MSRA: variants seen among roughly 807,000 people sequenced by gnomAD.
The protein encoded by MSRA is mitochondrial peptide methionine sulfoxide reductase.
A neutral mutation model predicts 31.3 loss-of-function variants in MSRA; 54 were observed. The ratio of observed to expected loss-of-function variants is 1.73; its 90% CI spans 1.39 to 2.17. The LOEUF is 2.17. Ranked by LOEUF, MSRA falls within the 30% of genes most tolerant of loss-of-function variation. The pLI is 0.00. For synonymous variants in MSRA, 169 were observed against 116.5 expected (o/e 1.45, Z -2.90); for missense variants, 507 against 300.9 (o/e 1.69, Z -5.07).
At chr8:10,174,906 C>T (rs994431180) in intron 1 of MSRA, among the ~76,000 whole-genome samples, 3 of 152,202 alleles carry the variant, frequency 2.0e-5, no homozygotes, top group African/African-American at 7.2e-5. Context: ...CTCATCTCCC[C>T]AGACAGGCTG....
At chr8:10,116,646 G>A (rs368499675) in intron 1 of MSRA, among the ~76,000 whole-genome samples, 2 of 152,098 alleles carry the variant, frequency 1.3e-5, no homozygotes, top group East Asian at 3.9e-4. Flanking sequence ...AGCAGGGTCT[G>A]CCAACACACT....
intron 1 of MSRA, among the ~76,000 whole-genome samples, chr8:10,131,840 A>G (rs1357411946): frequency 2.0e-5 from 3 of 152,230 alleles, no homozygotes; most frequent in Non-Finnish European, 2.9e-5. Flanking sequence ...CTTTTCTCAG[A>G]AGTATAATCC....
chr8:10,415,133 A>G (rs1392615384), intron 5 of MSRA, among the ~76,000 whole-genome samples: 9 of 152,312 alleles, frequency 5.9e-5, no homozygotes, highest in African/African-American at 2.2e-4. Flanking sequence ...CATTTCAACT[A>G]TAGGACCCTG....
chr8:10,306,473 A>G (rs771383922), intron 4 of MSRA, among the ~76,000 whole-genome samples: 13 of 151,692 alleles, frequency 8.6e-5, no homozygotes, highest in Non-Finnish European at 1.3e-4. Flanking sequence ...CCCTCCATCT[A>G]CTAAAGTGTG....
intron 1 of MSRA, among the ~76,000 whole-genome samples, chr8:10,200,123 C>T (rs767149441): frequency 6.6e-6 from 1 of 152,114 alleles, no homozygotes; most frequent in Non-Finnish European, 1.5e-5. Context: ...AGCTGGGCAT[C>T]GGCTCCATTA....
intron 1 of MSRA, among the ~76,000 whole-genome samples, chr8:10,098,339 T>G (rs1313183231): frequency 6.6e-6 from 1 of 152,176 alleles, no homozygotes; most frequent in Admixed American, 6.5e-5. Context: ...TGATACGTAT[T>G]ATTAAATTCC....
chr8:10,120,755 C>T (rs1175600260), intron 1 of MSRA, among the ~76,000 whole-genome samples: 5 of 152,188 alleles, frequency 3.3e-5, no homozygotes, highest in African/African-American at 1.2e-4. Flanking sequence ...CCCTTGCAGA[C>T]TCACTGTGTT....
At position 10,358,101 on chromosome 8, in the gene MSRA, T is replaced by A. The variant is rs866603800; in HGVS notation, c.543+38112T>A. On this transcript the variant is annotated intron_variant, in intron 5 of 5. Transcript: ENST00000317173. ...CCATGCCCAGCTAATTTTTGTATTA[T>A]TATCATTAGTGGAGACGGGGTTTCA... Among the ~76,000 whole-genome samples the A allele has an allele frequency of 5.3e-5, 8 of 152,218 alleles. No homozygotes were observed. The South Asian group carries it at 1.0e-3, about 20-fold the overall frequency.
chr8:10,144,524 C>T (rs1320924368), intron 1 of MSRA, among the ~76,000 whole-genome samples: 2 of 152,152 alleles, frequency 1.3e-5, no homozygotes, highest in African/African-American at 2.4e-5. Flanking sequence ...CAACATTGCA[C>T]GTACATGTAT....
chr8:10,107,939 A>G (rs531049326), intron 1 of MSRA, among the ~76,000 whole-genome samples: 2 of 152,098 alleles, frequency 1.3e-5, no homozygotes, highest in African/African-American at 4.8e-5. Context: ...GTGTTTAATG[A>G]CCTTTGCTGT....
intron 5 of MSRA, among the ~76,000 whole-genome samples, chr8:10,339,656 C>T (rs931897350): frequency 7.9e-5 from 12 of 150,972 alleles, no homozygotes; most frequent in African/African-American, 2.9e-4. Context: ...ATTCTCCTGC[C>T]TCAGCCTCCC....
intron 5 of MSRA, among the ~76,000 whole-genome samples, chr8:10,340,845 C>A (rs1394211868): frequency 6.6e-6 from 1 of 152,250 alleles, no homozygotes; most frequent in African/African-American, 2.4e-5. Context: ...ACATCAGCTT[C>A]TCTGTTCACT....
chr8:10,334,165 G>T (rs1045772790), intron 5 of MSRA, among the ~76,000 whole-genome samples: 1 of 143,454 alleles, frequency 7.0e-6, no homozygotes, highest in Non-Finnish European at 1.5e-5. Flanking sequence ...AACATATAGG[G>T]GTGTGTGTGT....
chr8:10,194,238 C>T lies in MSRA; in HGVS notation c.143-13595C>T, dbSNP rs1905634. 2.0e-5 allele frequency among the ~76,000 whole-genome samples: 3 copies of T among 152,098 alleles called. No homozygotes were observed. The East Asian group carries it at 5.8e-4, about 29-fold the overall frequency. On this transcript the variant is annotated intron_variant, in intron 1 of 5. Coordinates refer to ENST00000317173, the MANE Select transcript of MSRA (RefSeq NM_012331.5). ...TTATTTCTATCCAAAATTTTGCATG[C>T]TTGATCCTCTTAAAATCCTTCCCCC...
intron 5 of MSRA, among the ~76,000 whole-genome samples, chr8:10,325,188 T>A (rs1423295260): frequency 6.6e-6 from 1 of 152,134 alleles, no homozygotes; most frequent in Non-Finnish European, 1.5e-5. Flanking sequence ...CAGGAATGAT[T>A]TGCCACGATG....
intron 5 of MSRA, among the ~76,000 whole-genome samples, chr8:10,346,088 T>A (rs1346633457): frequency 2.0e-5 from 3 of 152,222 alleles, no homozygotes; most frequent in African/African-American, 7.2e-5. Context: ...CTGTGACCTC[T>A]TGTGCAGTGT....
chr8:10,121,522 C>T (rs527618377), intron 1 of MSRA, among the ~76,000 whole-genome samples: 29 of 152,258 alleles, frequency 1.9e-4, no homozygotes, highest in African/African-American at 6.5e-4. Flanking sequence ...TAAGGGGAAA[C>T]GAGAGTTGAG....
At chr8:10,398,864 G>C (rs1175430636) in intron 5 of MSRA, among the ~76,000 whole-genome samples, 1 of 152,188 alleles carries the variant, frequency 6.6e-6, no homozygotes, top group Non-Finnish European at 1.5e-5. Context: ...TCTGAATTTT[G>C]CTTTGAAAAT....
chr8:10,063,681 C>T lies in MSRA; in HGVS notation c.142+9023C>T, dbSNP rs553217298. Among the ~76,000 whole-genome samples, 515 of 152,252 alleles carry T rather than the reference C, an allele frequency of 3.4e-3. 4 individuals are homozygous for T. Among genetic ancestry groups the T allele is most frequent in the Non-Finnish European group, 4.5e-3 (304 of 68,012 alleles). On this transcript the variant is annotated intron_variant, in intron 1 of 5. Coordinates refer to ENST00000317173, the MANE Select transcript of MSRA (RefSeq NM_012331.5). The stretch of plus-strand genomic sequence containing the variant: ...ACCCCAGATAACTAGCTAGTCTTTT[C>T]GGCCATGTGAGGACATGGTGAGAAG...
Sources: allele counts gnomAD v4.1 joint callset (sites outside exome capture counted in the v4.1 genomes callset), GRCh38; gene constraint gnomAD v4.1.1; transcripts MANE v1.5; gene names NCBI Gene and HGNC (gene_info 2026-07-23, HGNC 2026-07-21).